KIAA0753: variants seen among roughly 807,000 people sequenced by gnomAD.
KIAA0753 encodes protein moonraker.
Under a neutral mutation model 116.9 loss-of-function variants are expected in KIAA0753, and 114 were observed. That is an observed-to-expected ratio of 0.98 (90% confidence interval 0.84 to 1.14). KIAA0753 has a LOEUF of 1.14. KIAA0753 is among the 50% of genes most tolerant of loss of function. The pLI, the probability that KIAA0753 is intolerant of heterozygous loss-of-function variation, is 0.00. For missense variants in KIAA0753, 1,156 were observed against 1,172.4 expected (o/e 0.99, Z 0.20); for synonymous variants, 405 against 413.1 (o/e 0.98, Z 0.24).
At position 6,611,096 on chromosome 17, in the gene KIAA0753, G is replaced by A. The variant is rs144073146; in HGVS notation, c.1545+823C>T. On this transcript the variant is annotated intron_variant, in intron 8 of 18. Coordinates refer to ENST00000361413, the MANE Select transcript of KIAA0753 (RefSeq NM_014804.3). ...ACCAAATGTCACTAATACAATAAGG[G>A]TATTCGACCAGGAGGTGGTCTTTTG... 7.9e-5 allele frequency among the ~76,000 whole-genome samples: 12 copies of A among 152,266 alleles called. No individual in the cohort carries two copies. The East Asian group carries it at 2.3e-3, about 29-fold the overall frequency.
At chr17:6,612,234 T>C in intron 7 of KIAA0753, 86 bp from the exon 8 acceptor site, 1 of 935,776 alleles carries the variant, frequency 1.1e-6, no homozygotes, top group East Asian at 2.4e-5. Context: ...ACAGATAGGC[T>C]CCAAATACCT....
intron 2 of KIAA0753, among the ~76,000 whole-genome samples, chr17:6,634,531 G>A (rs897637715): frequency 6.6e-6 from 1 of 152,204 alleles, no homozygotes; most frequent in Non-Finnish European, 1.5e-5. Flanking sequence ...AGGGATGACT[G>A]AGTGACAGAC....
rs142661045 is a variant in KIAA0753 at position 6,602,735 on chromosome 17, T to A, written c.2010-2277A>T. Among the ~76,000 whole-genome samples, 678 of 152,360 alleles carry A rather than the reference T, an allele frequency of 4.4e-3. 3 individuals are homozygous for A. The highest frequency in any genetic ancestry group is 0.015 in the African/African-American group (610 of 41,586). ...ATGCATTTGTCAAAATTCATTGAAC[T>A]GTACCTTTAAGTTCTTTGCATTTTA... On this transcript the variant is annotated intron_variant, in intron 12 of 18. Coordinates refer to ENST00000361413, the MANE Select transcript of KIAA0753 (RefSeq NM_014804.3).
intron 18 of KIAA0753, among the ~76,000 whole-genome samples, chr17:6,589,506 G>A (rs753129886): frequency 6.6e-6 from 1 of 152,196 alleles, no homozygotes; most frequent in Non-Finnish European, 1.5e-5. Context: ...AGAACCCGAT[G>A]GTATTCTGTG....
At position 6,600,410 on chromosome 17, in the gene KIAA0753, A is replaced by T; in HGVS notation, c.2058T>A (p.Asp686Glu). ...LADKVEEAVL[D>E]RLKPLLVKAQ... ...CCTTGACCAAGAGAGGCTTCAAACG[A>T]TCCAGAACTGCCTCCTCTACCTTGT... Residue 686 changes from aspartate (D) to glutamate (E), a missense_variant, in exon 13 of 19, where the codon GAT (aspartate) becomes GAA (glutamate). Transcript: ENST00000361413. 1 of 1,614,004 alleles carries T rather than the reference A, an allele frequency of 6.2e-7. No individual in the cohort carries two copies. The highest frequency in any genetic ancestry group is 8.5e-7 in the Non-Finnish European group (1 of 1,179,862).
At chr17:6,620,354 C>T (rs1430489285) in intron 7 of KIAA0753, among the ~76,000 whole-genome samples, 11 of 151,282 alleles carry the variant, frequency 7.3e-5, no homozygotes, top group Non-Finnish European at 1.6e-4. Flanking sequence ...TTTAAATGTA[C>T]GTACTGTTAT....
chr17:6,591,387 A>C (rs1969054590), intron 16 of KIAA0753, among the ~76,000 whole-genome samples: 1 of 152,240 alleles, frequency 6.6e-6, no homozygotes, highest in Non-Finnish European at 1.5e-5. Context: ...GATATAAGTC[A>C]GCTTTTGTAA....
chr17:6,599,321 C>A lies in KIAA0753; in HGVS notation c.2089-1G>T. 1 of 1,598,450 alleles carries A rather than the reference C, an allele frequency of 6.3e-7. No individual in the cohort carries two copies. Among genetic ancestry groups the A allele is most frequent in the South Asian group, 1.1e-5 (1 of 90,696 alleles). On this transcript the variant is annotated splice_acceptor_variant, in intron 13 of 18. Transcript: ENST00000361413. LOFTEE classifies it high-confidence loss of function. ...TTGCTTCTGTAGTAGAATTGACTCT[C>A]TATTAAAACAGACAAATACATTCAT...
intron 1 of KIAA0753, chr17:6,640,114 A>G (rs1972568347): frequency 6.6e-6 from 1 of 152,414 alleles, no homozygotes; most frequent in African/African-American, 2.4e-5. Context: ...TTCTGCACTC[A>G]CACAGCGCGT....
chr17:6,622,856 A>C (rs760610729), intron 6 of KIAA0753, 26 bp downstream of exon 6: 1 of 1,593,722 alleles, frequency 6.3e-7, no homozygotes, highest in African/African-American at 1.3e-5. Context: ...ATGCACCTCT[A>C]ACAAAAATTG....
chr17:6,596,071 G>T, intron 15 of KIAA0753, 87 bp downstream of exon 15: 3 of 1,297,408 alleles, frequency 2.3e-6, no homozygotes, highest in Non-Finnish European at 3.2e-6. Context: ...GACTCTAACA[G>T]ATGAGGCTGC....
chr17:6,594,687 TGAAAAAAA>T (rs1484959818), intron 16 of KIAA0753, among the ~76,000 whole-genome samples: 1 of 152,054 alleles, frequency 6.6e-6, no homozygotes, highest in Non-Finnish European at 1.5e-5. Flanking sequence ...AATTTTATCT[TGAAAAAAA>T]GAGCCATAAG....
At chr17:6,623,770 TGTTC>T in intron 4 of KIAA0753, 199 bp from the exon 5 acceptor site, 1 of 601,242 alleles carries the variant, frequency 1.7e-6, no homozygotes, top group African/African-American at 1.9e-5. Context: ...GAATAGGCAG[TGTTC>T]ACCTTCCATC....
At chr17:6,617,487 G>T (rs972881568) in intron 7 of KIAA0753, among the ~76,000 whole-genome samples, 1 of 152,102 alleles carries the variant, frequency 6.6e-6, no homozygotes, top group Non-Finnish European at 1.5e-5. Context: ...CCAGTTTCTG[G>T]CCCAGAGCTC....
intron 16 of KIAA0753, among the ~76,000 whole-genome samples, chr17:6,591,679 GA>G (rs1969075257): frequency 6.6e-6 from 1 of 152,218 alleles, no homozygotes; most frequent in South Asian, 2.1e-4. Flanking sequence ...CTTGAAAAAA[GA>G]GAACACTAAG....
chr17:6,589,910 G>C lies in KIAA0753; in HGVS notation c.2655C>G (p.Gly885=). ...CCGGTGGGACAAAGAGGGGAGCTCGGCCTTCTTTCTGTTGAGAATCTTCGG... is the reference window on the plus strand; with the variant it reads ...CCGGTGGGACAAAGAGGGGAGCTCGCCCTTCTTTCTGTTGAGAATCTTCGG... ...SLAEDSQQKE[G]RAPLFVPPGM... The change falls in exon 18 of 19, where the codon GGC becomes GGG. Residue 885 remains glycine (G), a synonymous_variant. Transcript: ENST00000361413. The C allele has an allele frequency of 6.2e-7, 1 of 1,613,252 alleles. No individual in the cohort carries two copies. Among genetic ancestry groups the C allele is most frequent in the Non-Finnish European group, 8.5e-7 (1 of 1,179,728 alleles).
intron 18 of KIAA0753, among the ~76,000 whole-genome samples, chr17:6,582,175 A>G (rs1365150414): frequency 6.6e-6 from 1 of 152,244 alleles, no homozygotes; most frequent in African/African-American, 2.4e-5. Context: ...CCTAAAATAT[A>G]GAGAAAATAG....
At chr17:6,635,539 TC>T (rs1972269762) in intron 1 of KIAA0753, 1 of 157,878 alleles carries the variant, frequency 6.3e-6, no homozygotes, top group Non-Finnish European at 1.4e-5. Context: ...GGACAAGCAG[TC>T]TACATTAACA....
intron 7 of KIAA0753, among the ~76,000 whole-genome samples, chr17:6,614,797 A>G (rs916736283): frequency 6.6e-6 from 1 of 152,068 alleles, no homozygotes; most frequent in African/African-American, 2.4e-5. Context: ...TAAACAATTC[A>G]TAAGTTTTAT....
Sources: gnomAD v4.1 joint callset for allele counts (sites outside exome capture counted in the v4.1 genomes callset) on GRCh38, gnomAD v4.1.1 for gene constraint, MANE v1.5 for transcripts, NCBI Gene and HGNC (gene_info 2026-07-23, HGNC 2026-07-21) for gene names.